NFAT5: variants seen among roughly 807,000 people sequenced by gnomAD.
NFAT5 encodes the protein nuclear factor of activated T cells 5, also known as nuclear factor of activated T-cells 5.
In NFAT5, 31 loss-of-function variants were observed where a neutral mutation model predicts 166.5. The observed-to-expected ratio is 0.19, with a 90% CI of 0.14 to 0.25. The LOEUF is 0.25. Among genes scored for constraint, NFAT5 ranks in the 10% least tolerant of loss-of-function variants. NFAT5 has a pLI of 1.00. For synonymous variants in NFAT5, 612 were observed against 639.7 expected (o/e 0.96, Z 0.65); for missense variants, 1,449 against 1,821.8 (o/e 0.80, Z 3.72).
At chr16:69,568,389 TATATACACACACAC>T in intron 1 of NFAT5, 92 bp from the exon 2 acceptor site, 1 of 504,668 alleles carries the variant, frequency 2.0e-6, no homozygotes, top group Non-Finnish European at 3.6e-6. Flanking sequence ...TATATATATA[TATATACACACACAC>T]ACATTGCAGT....
At chr16:69,694,379 C>G (rs1307143985) in intron 13 of NFAT5, 140 bp downstream of exon 13, 5 of 668,432 alleles carry the variant, frequency 7.5e-6, no homozygotes, top group Non-Finnish European at 1.0e-5. Context: ...CTCAGCCTCC[C>G]AAGCAGCTGG....
chr16:69,616,761 G>C (rs571968373), intron 2 of NFAT5, among the ~76,000 whole-genome samples: 30 of 151,530 alleles, frequency 2.0e-4, no homozygotes, highest in African/African-American at 7.3e-4. Flanking sequence ...TCTGCATCTA[G>C]AATATCTCTT....
At chr16:69,626,587 A>G (rs1474344950) in intron 3 of NFAT5, 59 bp downstream of exon 3, 1 of 1,397,344 alleles carries the variant, frequency 7.2e-7, no homozygotes, top group Non-Finnish European at 9.4e-7. Context: ...TCTGGCCAAC[A>G]TGAACAGTGC....
intron 2 of NFAT5, among the ~76,000 whole-genome samples, chr16:69,587,781 A>G (rs1164068283): frequency 1.3e-5 from 2 of 152,144 alleles, no homozygotes; most frequent in African/African-American, 4.8e-5. Flanking sequence ...TTTATTTGAG[A>G]ATAAATGAGA....
intron 2 of NFAT5, among the ~76,000 whole-genome samples, chr16:69,577,176 A>G (rs1048982600): frequency 5.3e-5 from 8 of 152,064 alleles, no homozygotes; most frequent in Non-Finnish European, 1.5e-5. Flanking sequence ...TTGTTCTGCT[A>G]TGGCATCTTG....
Position 69,566,892 on chromosome 16 carries a change from C to A in NFAT5, c.73+518C>A, listed in dbSNP as rs1318952701. Among the ~76,000 whole-genome samples the A allele has an allele frequency of 6.6e-6, 1 of 152,186 alleles. No homozygotes were observed. Among genetic ancestry groups the A allele is most frequent in the East Asian group, 1.9e-4 (1 of 5,182 alleles). On this transcript the variant is annotated intron_variant, in intron 1 of 14. Transcript: ENST00000349945. This position sits in a 1 kb window ranked among gnomAD's most constrained non-coding sequence, Gnocchi z 5.7. ...TCCAGCTTGTTTTTGCGCCGTCGTT[C>A]CACCCCCTCTCCCTCCGGCCTAGTC... is the stretch of plus-strand genomic sequence containing the variant.
At chr16:69,640,414 A>G (rs1029641834) in intron 3 of NFAT5, among the ~76,000 whole-genome samples, 10 of 152,256 alleles carry the variant, frequency 6.6e-5, no homozygotes, top group African/African-American at 2.4e-4. Flanking sequence ...AAGAAAAAGA[A>G]GAAAAGTAGA....
intron 3 of NFAT5, among the ~76,000 whole-genome samples, chr16:69,634,277 C>CAA (rs745354566): frequency 0.054 from 4,566 of 83,964 alleles, 137 homozygotes; most frequent in East Asian, 0.16. Flanking sequence ...TTCCGACTCA[C>CAA]AAAAAAAAAA....
At chr16:69,671,106 T>C (rs1221178687) in intron 9 of NFAT5, among the ~76,000 whole-genome samples, 4 of 152,232 alleles carry the variant, frequency 2.6e-5, no homozygotes, top group African/African-American at 9.6e-5. Context: ...TATTCCTTTG[T>C]GTATTTTTAA....
chr16:69,575,564 C>T (rs2016698980), intron 2 of NFAT5, among the ~76,000 whole-genome samples: 1 of 152,024 alleles, frequency 6.6e-6, no homozygotes, highest in East Asian at 1.9e-4. Context: ...CCTGCATGAT[C>T]ATGGGATCAT....
rs373489732 is a variant in NFAT5 at position 69,566,295 on chromosome 16, A to G, written c.-7A>G. 1.2e-6 allele frequency: 2 copies of G among 1,601,638 alleles called. No individual in the cohort carries two copies. Among genetic ancestry groups the G allele is most frequent in the Non-Finnish European group, 1.7e-6 (2 of 1,176,006 alleles). On this transcript the variant is annotated 5_prime_UTR_variant, in exon 1 of 15. Coordinates refer to ENST00000349945, the MANE Select transcript of NFAT5 (RefSeq NM_138713.4). The surrounding 1 kb of genome is among the most constrained non-coding windows in gnomAD (Gnocchi z 5.7). ...GCTGCCCTCGGGCCGGGCTGGGTCG[A>G]GCTGCGATGCCCTCGGACTTCATCT... is the stretch of plus-strand genomic sequence containing the variant.
chr16:69,645,124 A>G (rs2035383058), intron 3 of NFAT5, among the ~76,000 whole-genome samples: 2 of 152,268 alleles, frequency 1.3e-5, no homozygotes, highest in South Asian at 2.1e-4. Flanking sequence ...GAAAAAAATT[A>G]TATTTAAACT....
chr16:69,600,679 C>T (rs2033079246), intron 2 of NFAT5, among the ~76,000 whole-genome samples: 2 of 144,750 alleles, frequency 1.4e-5, no homozygotes, highest in Non-Finnish European at 3.0e-5. Flanking sequence ...CAGTCATTTG[C>T]CAAGAATGAT....
intron 2 of NFAT5, among the ~76,000 whole-genome samples, chr16:69,609,362 C>G (rs747826067): frequency 6.6e-6 from 1 of 152,076 alleles, no homozygotes; most frequent in Non-Finnish European, 1.5e-5. Context: ...CCCTGTAAAC[C>G]CCTATTCAGT....
rs528877481 is a variant in NFAT5 at position 69,631,621 on chromosome 16, CTTTTGT to C, written c.253+5110_253+5115del. On this transcript the variant is annotated intron_variant, in intron 3 of 14. Coordinates refer to ENST00000349945, the MANE Select transcript of NFAT5 (RefSeq NM_138713.4). ...ACACTAATACTTCATAGCAATTGTGCTTTTGTTTTTGTTTTTGTTTTTTGAGATGGA... is the reference window on the plus strand; with the variant it reads ...ACACTAATACTTCATAGCAATTGTGCTTTTGTTTTTGTTTTTTGAGATGGA... Among the ~76,000 whole-genome samples the C allele has an allele frequency of 1.1e-3, 170 of 151,514 alleles. 1 individual carries two copies. In the East Asian group the frequency reaches 0.027, roughly 24 times the overall value.
chr16:69,691,502 T>C (rs2037543462), intron 12 of NFAT5, among the ~76,000 whole-genome samples: 1 of 152,192 alleles, frequency 6.6e-6, no homozygotes, highest in South Asian at 2.1e-4. Context: ...AGCATATCAA[T>C]AGCCGATTAT....
chr16:69,691,742 T>A lies in NFAT5; in HGVS notation c.1924-7T>A. On this transcript the variant is annotated splice_region_variant and splice_polypyrimidine_tract_variant and intron_variant, in intron 12 of 14. Coordinates refer to ENST00000349945, the MANE Select transcript of NFAT5 (RefSeq NM_138713.4). ...ATTCATAATATTTGGGGATTTTTAT[T>A]TTTTAGACTACAAAGTCTGTTGGAT... 6.3e-7 allele frequency: 1 copy of A among 1,585,870 alleles called. No homozygotes were observed. The highest frequency in any genetic ancestry group is 8.5e-7 in the Non-Finnish European group (1 of 1,169,604).
Position 69,689,207 on chromosome 16 carries a change from G to C in NFAT5, c.1775-1733G>C, listed in dbSNP as rs183536258. On this transcript the variant is annotated intron_variant, in intron 11 of 14. Coordinates refer to ENST00000349945, the MANE Select transcript of NFAT5 (RefSeq NM_138713.4). ...TGGGAGGATTGCCTGAGCCCAGGAG[G>C]TGGAGGTTGCAGTGAGGCCTGATTG... 9.9e-3 allele frequency among the ~76,000 whole-genome samples: 1,508 copies of C among 152,300 alleles called. 22 individuals carry two copies. Among genetic ancestry groups the C allele is most frequent in the Middle Eastern group, 0.02 (6 of 294 alleles).
intron 2 of NFAT5, among the ~76,000 whole-genome samples, chr16:69,610,696 A>G (rs943521391): frequency 6.6e-6 from 1 of 152,222 alleles, no homozygotes; most frequent in Admixed American, 6.5e-5. Context: ...TCTTCTCCGT[A>G]AAAACTGAGG....
Sources: allele counts gnomAD v4.1 joint callset (sites outside exome capture counted in the v4.1 genomes callset), GRCh38; gene constraint gnomAD v4.1.1; non-coding constraint Gnocchi (gnomAD v3.1); transcripts MANE v1.5; gene names NCBI Gene and HGNC (gene_info 2026-07-23, HGNC 2026-07-21).